MTFMT: variants seen among roughly 807,000 people sequenced by gnomAD.
MTFMT encodes the protein methionyl-tRNA formyltransferase, mitochondrial.
Under a neutral mutation model 51.8 loss-of-function variants are expected in MTFMT, and 47 were observed. That is an observed-to-expected ratio of 0.91 (90% CI 0.72 to 1.16). The LOEUF is 1.16. Ranked by LOEUF, MTFMT falls within the 50% of genes most tolerant of loss-of-function variation. The probability of loss-of-function intolerance (pLI) is 0.00; values close to 1 mark genes in which losing one functional copy is unlikely to be tolerated. For missense variants in MTFMT, 512 were observed against 482.3 expected, an observed-to-expected ratio of 1.06 and a Z score of -0.58; for synonymous variants, 196 against 176.7, an observed-to-expected ratio of 1.11 and a Z score of -0.87.
chr15:65,006,072 A>C (rs1218766932), intron 7 of MTFMT, 41 bp downstream of exon 7: 1 of 1,401,590 alleles, frequency 7.1e-7, no homozygotes, highest in Non-Finnish European at 1.0e-6. Flanking sequence ...GATACACTAC[A>C]GTGAAAACAG....
At chr15:65,026,745 G>C (rs2086427617) in intron 2 of MTFMT, 86 bp downstream of exon 2, 1 of 1,002,816 alleles carries the variant, frequency 1.0e-6, no homozygotes, top group African/African-American at 1.6e-5. Flanking sequence ...AGAAAGCATA[G>C]AGTTCAAATT....
chr15:65,005,320 G>A (rs1329077443), intron 7 of MTFMT, among the ~76,000 whole-genome samples: 2 of 152,124 alleles, frequency 1.3e-5, no homozygotes, highest in African/African-American at 4.8e-5. Flanking sequence ...GGTTCCTGGG[G>A]AACTCCAACT....
chr15:65,005,179 C>T (rs2086211827), intron 7 of MTFMT, among the ~76,000 whole-genome samples: 2 of 152,176 alleles, frequency 1.3e-5, no homozygotes, highest in South Asian at 4.1e-4. Flanking sequence ...CCAGTGACCA[C>T]CTAAAATGCT....
chr15:65,021,500 T>C lies in MTFMT; in HGVS notation c.645+14A>G. The C allele has an allele frequency of 6.3e-7, 1 of 1,581,974 alleles. No individual in the cohort carries two copies. Among genetic ancestry groups the C allele is most frequent in the Non-Finnish European group, 8.7e-7 (1 of 1,151,788 alleles). ...TAAATGAGTAAAAAGCAGTAGGATATTGGGGAATTATACCATGTTGGCACC... is the reference window on the plus strand; with the variant it reads ...TAAATGAGTAAAAAGCAGTAGGATACTGGGGAATTATACCATGTTGGCACC... On this transcript the variant is annotated intron_variant, in intron 4 of 8. Coordinates refer to ENST00000220058, the MANE Select transcript of MTFMT (RefSeq NM_139242.4).
rs1416218434 is a variant in MTFMT, at chr15:65,016,471, G to C, written c.778C>G (p.Gln260Glu). The change falls in exon 6 of 9, where the codon CAA (glutamine) becomes GAA (glutamate). Residue 260 changes from glutamine (Q) to glutamate (E), a missense_variant. Coordinates refer to ENST00000220058, the MANE Select transcript of MTFMT (RefSeq NM_139242.4). The stretch of plus-strand genomic sequence containing the variant: ...ATGGCACGGTAAAGTCTGAATATTT[G>C]TTCTGAAGTTTGTTCCTCCCATTTT... ...CIKWEEQTSEQIFRLYRAIGN... is the reference protein window; with the variant it reads ...CIKWEEQTSEEIFRLYRAIGN... The C allele has an allele frequency of 1.2e-6, 2 of 1,612,276 alleles. No individual in the cohort carries two copies. The highest frequency in any genetic ancestry group is 4.5e-5 in the East Asian group (2 of 44,748).
intron 6 of MTFMT, among the ~76,000 whole-genome samples, chr15:65,010,410 C>T (rs2086254287): frequency 6.6e-6 from 1 of 152,190 alleles, no homozygotes; most frequent in East Asian, 1.9e-4. Context: ...CTCTCTCCTC[C>T]AGCCTATGGA....
chr15:65,021,491 A>C, intron 4 of MTFMT, 23 bp downstream of exon 4: 1 of 1,541,892 alleles, frequency 6.5e-7, no homozygotes, highest in Non-Finnish European at 9.0e-7. Flanking sequence ...AGTAAAAAGC[A>C]GTAGGATATT....
At position 65,023,819 on chromosome 15, in the gene MTFMT, G is replaced by C. The variant is rs767861178; in HGVS notation, c.420-25C>G. 13 of 1,597,288 alleles carry C rather than the reference G, an allele frequency of 8.1e-6. No homozygotes were observed. The East Asian group carries it at 2.5e-4, about 30-fold the overall frequency. On this transcript the variant is annotated intron_variant, in intron 2 of 8. Coordinates refer to ENST00000220058, the MANE Select transcript of MTFMT (RefSeq NM_139242.4). ...ACTGAGTTAGAAAATGTAGAAATTA[G>C]TATGTCAGTGGGCTTTACCACTTCG... is the stretch of plus-strand genomic sequence containing the variant.
intron 4 of MTFMT, among the ~76,000 whole-genome samples, chr15:65,021,151 G>A (rs28695662): frequency 0.046 from 7,063 of 152,272 alleles, 552 homozygotes; most frequent in African/African-American, 0.16. Flanking sequence ...AGAAATGGAA[G>A]GAAAGCTAAG....
chr15:65,016,805 G>C (rs1255910505), intron 5 of MTFMT, among the ~76,000 whole-genome samples: 1 of 147,086 alleles, frequency 6.8e-6, no homozygotes, highest in Non-Finnish European at 1.5e-5. Context: ...TTTTGAGATA[G>C]GGTCTTGCCC....
intron 3 of MTFMT, among the ~76,000 whole-genome samples, chr15:65,022,965 A>T (rs2086387728): frequency 6.6e-6 from 1 of 152,130 alleles, no homozygotes; most frequent in Admixed American, 6.6e-5. Context: ...TTAGGATTAC[A>T]GGCGTGAGCC....
chr15:65,022,090 G>C (rs1406923539), intron 3 of MTFMT, among the ~76,000 whole-genome samples: 1 of 152,220 alleles, frequency 6.6e-6, no homozygotes, highest in African/African-American at 2.4e-5. Flanking sequence ...TGGAAGTACA[G>C]TTAGGAAGTT....
intron 6 of MTFMT, among the ~76,000 whole-genome samples, chr15:65,006,840 G>A (rs1025569173): frequency 1.3e-5 from 2 of 151,974 alleles, no homozygotes. Context: ...TATAGGTAAC[G>A]ACTGTTAAGT....
At position 65,001,823 on chromosome 15, in the gene MTFMT, C is replaced by T. The variant is rs1371466811; in HGVS notation, c.*1239G>A. ...AGATGCAGTAAGCAGTGTTTCACGC[C>T]ACTGGACTCCAGACTGTGTGAGAGA... is the stretch of plus-strand genomic sequence containing the variant. On this transcript the variant is annotated 3_prime_UTR_variant, in exon 9 of 9. Transcript: ENST00000220058. The T allele has an allele frequency of 6.6e-6, 1 of 151,850 alleles. No individual in the cohort carries two copies. The highest frequency in any genetic ancestry group is 1.5e-5 in the Non-Finnish European group (1 of 67,984). The allele number at this position is 151,850 out of a possible 1,614,324, so 9.4% of individuals were successfully genotyped here.
At chr15:65,027,763 G>A (rs980919603) in intron 1 of MTFMT, among the ~76,000 whole-genome samples, 1 of 152,076 alleles carries the variant, frequency 6.6e-6, no homozygotes, top group African/African-American at 2.4e-5. Context: ...TTTCTAGAAG[G>A]AACTGAAAAC....
At position 65,006,319 on chromosome 15, in the gene MTFMT, T is replaced by G. The variant is rs1240818665; in HGVS notation, c.814-128A>C. Reference sequence around the variant, plus strand: ...GGAATTGGGAACTCAGTCACTAAGTTTGATGGAACAGACCGTAAACATGAC... The same window carrying G: ...GGAATTGGGAACTCAGTCACTAAGTGTGATGGAACAGACCGTAAACATGAC... On this transcript the variant is annotated intron_variant, in intron 6 of 8. Transcript: ENST00000220058. The G allele has an allele frequency of 9.0e-6, 6 of 663,250 alleles. No homozygotes were observed. The Admixed American group carries it at 1.3e-4, about 14-fold the overall frequency. 41.1% of individuals were successfully genotyped at this position (663,250 alleles called of 1,614,324 possible).
At chr15:65,006,311 C>A in intron 6 of MTFMT, 120 bp from the exon 7 acceptor site, 2 of 670,378 alleles carry the variant, frequency 3.0e-6, no homozygotes, top group Non-Finnish European at 5.3e-6. Context: ...GGAACTCAGT[C>A]ACTAAGTTTG....
At position 65,003,057 on chromosome 15, in the gene MTFMT, C is replaced by T. The variant is rs1431066309; in HGVS notation, c.*5G>A. On this transcript the variant is annotated 3_prime_UTR_variant, in exon 9 of 9. Coordinates refer to ENST00000220058, the MANE Select transcript of MTFMT (RefSeq NM_139242.4). ...GTAATAGGTTTTTATCCATCTTCTTCCTAACTACTCAATGCATTGTTGCAT... is the reference window on the plus strand; with the variant it reads ...GTAATAGGTTTTTATCCATCTTCTTTCTAACTACTCAATGCATTGTTGCAT... 20 of 1,480,614 alleles carry T rather than the reference C, an allele frequency of 1.4e-5. No homozygotes were observed. The highest frequency in any genetic ancestry group is 1.7e-5 in the Non-Finnish European group (19 of 1,108,508). The allele number at this position is 1,480,614 out of a possible 1,614,324, so 91.7% of individuals were successfully genotyped here.
At chr15:65,028,869 G>T (rs2086452810) in intron 1 of MTFMT, among the ~76,000 whole-genome samples, 2 of 152,072 alleles carry the variant, frequency 1.3e-5, no homozygotes, top group South Asian at 4.1e-4. Context: ...TTATTCTTTT[G>T]AAAACAGGTC....
Sources: allele counts gnomAD v4.1 joint callset (sites outside exome capture counted in the v4.1 genomes callset), GRCh38; gene constraint gnomAD v4.1.1; transcripts MANE v1.5; gene names NCBI Gene and HGNC (gene_info 2026-07-23, HGNC 2026-07-21).